The following CD163L1 variants were observed in gnomAD, a reference collection of about 807,000 sequenced individuals.
CD163L1 encodes scavenger receptor cysteine-rich type 1 protein M160.
CD163L1 carries 124 observed loss-of-function variants against 165.4 expected under a neutral mutation model. That is an observed-to-expected ratio of 0.75 (90% confidence interval 0.65 to 0.87). The LOEUF is 0.87. Ranked by LOEUF, CD163L1 falls within the 40% of genes least tolerant of loss-of-function variation. CD163L1 has a pLI of 0.00. For synonymous variants in CD163L1, 585 were observed against 662.2 expected, an observed-to-expected ratio of 0.88 and a Z score of 1.79; for missense variants, 1,525 against 1,799.9, an observed-to-expected ratio of 0.85 and a Z score of 2.76.
intron 4 of CD163L1, among the ~76,000 whole-genome samples, chr12:7,419,903 A>G (rs1948316184): frequency 6.6e-6 from 1 of 152,180 alleles, no homozygotes; most frequent in Admixed American, 6.6e-5. Flanking sequence ...TGTATAGCCA[A>G]AGCAAGACTA....
At chr12:7,421,319 G>A (rs1185357659) in intron 4 of CD163L1, among the ~76,000 whole-genome samples, 5 of 100,584 alleles carry the variant, frequency 5.0e-5, no homozygotes, top group African/African-American at 2.0e-4. Context: ...ACATTTGGAA[G>A]ATATATATGT....
intron 8 of CD163L1, among the ~76,000 whole-genome samples, chr12:7,380,610 G>A (rs1947384036): frequency 6.6e-6 from 1 of 151,990 alleles, no homozygotes; most frequent in South Asian, 2.1e-4. Context: ...ATAATACAAT[G>A]GACTTTGAGG....
At chr12:7,330,403 A>C in the CD163L1 span, among the ~76,000 whole-genome samples, 1 of 152,162 alleles carries the variant, frequency 6.6e-6, no homozygotes, top group East Asian at 1.9e-4. Flanking sequence ...TACTTCACAG[A>C]CTTTGTTGGT....
intron 4 of CD163L1, among the ~76,000 whole-genome samples, chr12:7,410,756 G>A (rs1409085850): frequency 1.3e-5 from 2 of 151,804 alleles, no homozygotes; most frequent in Non-Finnish European, 2.9e-5. Flanking sequence ...CTTGAACCCA[G>A]GAGGCAGAGG....
At chr12:7,421,092 T>C (rs1948360045) in intron 4 of CD163L1, among the ~76,000 whole-genome samples, 1 of 120,444 alleles carries the variant, frequency 8.3e-6, no homozygotes, top group Admixed American at 9.6e-5. Context: ...TATACGTATA[T>C]ATATGTATAT....
chr12:7,365,221 A>C (rs924280942), intron 18 of CD163L1, among the ~76,000 whole-genome samples: 1 of 152,168 alleles, frequency 6.6e-6, no homozygotes. Flanking sequence ...CCACATGCAC[A>C]AGAATGAAAC....
chr12:7,319,714 G>A, the CD163L1 span, among the ~76,000 whole-genome samples: 15 of 149,792 alleles, frequency 1.0e-4, no homozygotes, highest in Non-Finnish European at 1.6e-4. Context: ...CCTTTGGGTT[G>A]GGGATCCCTG....
Position 7,433,611 on chromosome 12 carries a change from CCCACTGTCCCTGGAATTTCACCT to C in CD163L1, c.185_207del (p.Glu62GlyfsTer5), listed in dbSNP as rs1948668034. On this transcript the variant is annotated frameshift_variant, in exon 3 of 20. Coordinates refer to ENST00000313599, the MANE Select transcript of CD163L1 (RefSeq NM_174941.6). LOFTEE classifies it high-confidence loss of function. ...TTCCACCCATCATCACACACAGTCC[CCCACTGTCCCTGGAATTTCACCT>C]CCACTGTCCCAGAGCAGGGACCGTC... 1 of 1,614,042 alleles carries C rather than the reference CCCACTGTCCCTGGAATTTCACCT, an allele frequency of 6.2e-7. No individual in the cohort carries two copies. Among genetic ancestry groups the C allele is most frequent in the Non-Finnish European group, 8.5e-7 (1 of 1,180,014 alleles).
Position 7,375,687 on chromosome 12 carries a change from T to A in CD163L1, c.2686+13A>T. ...TCTAGCCCCAGCCAATTAAGATTAT[T>A]TAAAAATCTCACGGGAACAGACAAC... is the stretch of plus-strand genomic sequence containing the variant. On this transcript the variant is annotated intron_variant, in intron 10 of 19. Coordinates refer to ENST00000313599, the MANE Select transcript of CD163L1 (RefSeq NM_174941.6). 6.2e-7 allele frequency: 1 copy of A among 1,613,234 alleles called. No individual in the cohort carries two copies. The highest frequency in any genetic ancestry group is 8.5e-7 in the Non-Finnish European group (1 of 1,179,432).
At chr12:7,319,314 TA>T in the CD163L1 span, among the ~76,000 whole-genome samples, 4 of 152,020 alleles carry the variant, frequency 2.6e-5, no homozygotes, top group Non-Finnish European at 5.9e-5. Flanking sequence ...GGAGTGGCTA[TA>T]AATACAGATA....
chr12:7,328,356 G>A, the CD163L1 span: 2 of 1,589,810 alleles, frequency 1.3e-6, no homozygotes, highest in African/African-American at 2.7e-5. Context: ...AAGAGACCAA[G>A]AATGGAGAGG....
At chr12:7,434,262 T>C (rs750724416) in intron 2 of CD163L1, among the ~76,000 whole-genome samples, 1 of 152,332 alleles carries the variant, frequency 6.6e-6, no homozygotes, top group East Asian at 1.9e-4. Flanking sequence ...GATTGTAATA[T>C]GCTAGTCCAC....
chr12:7,356,797 C>G (rs1186706634), intron 19 of CD163L1, among the ~76,000 whole-genome samples: 1 of 152,066 alleles, frequency 6.6e-6, no homozygotes, highest in Non-Finnish European at 1.5e-5. Context: ...GTCCTGGCAC[C>G]AGTAAGTGTT....
intron 4 of CD163L1, among the ~76,000 whole-genome samples, chr12:7,421,322 ATATAT>A (rs1948379868): frequency 9.2e-6 from 1 of 108,704 alleles, no homozygotes; most frequent in African/African-American, 3.6e-5. Flanking sequence ...TTTGGAAGAT[ATATAT>A]GTATATATAT....
intron 8 of CD163L1, 47 bp downstream of exon 8, chr12:7,396,048 G>T: frequency 6.7e-7 from 1 of 1,489,712 alleles, no homozygotes; most frequent in Non-Finnish European, 9.1e-7. Flanking sequence ...GTATGTTAGA[G>T]AACCCAGGCA....
Position 7,369,432 on chromosome 12 carries a change from G to T in CD163L1, c.3964C>A (p.Leu1322Ile), listed in dbSNP as rs1947097656. 1.2e-6 allele frequency: 2 copies of T among 1,614,002 alleles called. No homozygotes were observed. Among genetic ancestry groups the T allele is most frequent in the Middle Eastern group, 1.6e-4 (1 of 6,084 alleles). ...DMRCKGNESF[L>I]WDCHAKPWGQ... Reference sequence around the variant, plus strand: ...CAGGGTTTGGCGTGACAGTCCCATAGAAATGACTCATTTCCTTTGCACCGC... The same window carrying T: ...CAGGGTTTGGCGTGACAGTCCCATATAAATGACTCATTTCCTTTGCACCGC... Residue 1322 changes from leucine (L) to isoleucine (I), a missense_variant, in exon 15 of 20, where the codon CTA (leucine) becomes ATA (isoleucine). Physicochemically the swap from Leu to Ile is conservative, Grantham distance 5 (BLOSUM62 2). Coordinates refer to ENST00000313599, the MANE Select transcript of CD163L1 (RefSeq NM_174941.6). The surrounding 1 kb of genome is among the most constrained non-coding windows in gnomAD (Gnocchi z 4.9).
chr12:7,391,820 A>C (rs1196271173), intron 8 of CD163L1, among the ~76,000 whole-genome samples: 1 of 152,208 alleles, frequency 6.6e-6, no homozygotes. Context: ...ATCAAAAGAG[A>C]CAAAGAAGGC....
At chr12:7,406,388 G>C in intron 5 of CD163L1, 144 bp downstream of exon 5, 2 of 709,776 alleles carry the variant, frequency 2.8e-6, no homozygotes, top group Non-Finnish European at 4.7e-6. Context: ...AACATTGAAA[G>C]TGTCAATTCT....
At chr12:7,321,030 G>C in the CD163L1 span, among the ~76,000 whole-genome samples, 2 of 152,122 alleles carry the variant, frequency 1.3e-5, no homozygotes, top group Admixed American at 6.5e-5. Context: ...CTCCCCATTT[G>C]TGAAAATCAA....
Sources: allele counts gnomAD v4.1 joint callset (sites outside exome capture counted in the v4.1 genomes callset), GRCh38; gene constraint gnomAD v4.1.1; non-coding constraint Gnocchi (gnomAD v3.1); transcripts MANE v1.5; gene names NCBI Gene and HGNC (gene_info 2026-07-23, HGNC 2026-07-21).